The following ACSL4 variants were observed in gnomAD, a reference collection of about 807,000 sequenced individuals.
ACSL4 encodes acyl-CoA synthetase long chain family member 4, also known as long-chain-fatty-acid--CoA ligase 4.
A neutral mutation model predicts 49.1 loss-of-function variants in ACSL4; 9 were observed. The observed-to-expected ratio is 0.18, with a 90% CI of 0.11 to 0.32. ACSL4 has a LOEUF of 0.32. Among genes scored for constraint, ACSL4 ranks in the 10% least tolerant of loss-of-function variants. The probability of loss-of-function intolerance (pLI) is 1.00; values close to 1 mark genes in which losing one functional copy is unlikely to be tolerated. For missense variants in ACSL4, 333 were observed against 493.7 expected, an observed-to-expected ratio of 0.67 and a Z score of 3.08; for synonymous variants, 191 against 170.3, an observed-to-expected ratio of 1.12 and a Z score of -0.95.
chrX:109,720,408 T>C lies in ACSL4; in HGVS notation c.-66+12731A>G, dbSNP rs1927458807. ...AGGATGTTAAAATTAAGTCAATGTG[T>C]ATATAAATTTTTAAAAACCTGCTTC... On this transcript the variant is annotated intron_variant, in intron 1 of 15. Coordinates refer to ENST00000672401, the MANE Select transcript of ACSL4 (RefSeq NM_001318510.2). 2.7e-5 allele frequency among the ~76,000 whole-genome samples: 3 copies of C among 111,548 alleles called. No homozygotes were observed. The Admixed American group carries it at 2.9e-4, about 11-fold the overall frequency.
At chrX:109,678,944 G>A (rs940835905) in intron 6 of ACSL4, among the ~76,000 whole-genome samples, 3 of 112,114 alleles carry the variant, frequency 2.7e-5, no homozygotes, top group Non-Finnish European at 5.6e-5. Context: ...GCAATGTTGT[G>A]GAAAGATTTC....
At chrX:109,691,918 G>A (rs948415496) in intron 2 of ACSL4, 2 of 111,701 alleles carry the variant, frequency 1.8e-5, no homozygotes, top group African/African-American at 6.5e-5. Flanking sequence ...CTATAGAGAT[G>A]CCATATACCA....
intron 2 of ACSL4, among the ~76,000 whole-genome samples, chrX:109,692,738 C>G (rs1410155675): frequency 8.9e-6 from 1 of 111,958 alleles, no homozygotes; most frequent in Non-Finnish European, 1.9e-5. Flanking sequence ...ATTTTATCTA[C>G]AAAGTCTTCG....
intron 2 of ACSL4, among the ~76,000 whole-genome samples, chrX:109,684,161 C>T (rs1409560312): frequency 2.7e-5 from 3 of 111,956 alleles, no homozygotes; most frequent in Non-Finnish European, 5.6e-5. Context: ...AAGGTCAACC[C>T]AGAAACCTTA....
At chrX:109,678,510 C>A in intron 6 of ACSL4, 95 bp from the exon 7 acceptor site, 1 of 1,025,390 alleles carries the variant, frequency 9.8e-7, no homozygotes, top group Non-Finnish European at 1.4e-6. Context: ...TAACGATAAG[C>A]TATCAATAGA....
rs1485576249 is a variant in ACSL4 at position 109,668,243 on chromosome X, C to A, written c.1173G>T (p.Leu391=). 3 of 1,206,641 alleles carry A rather than the reference C, an allele frequency of 2.5e-6. No individual in the cohort carries two copies. The highest frequency in any genetic ancestry group is 3.6e-5 in the South Asian group (2 of 56,298). ...LLLFKKVKAL[L]GGNVRMMLSG... is the part of the protein sequence containing the mutation. ...ACAGCATCATGCGGACATTCCCTCC[C>A]AGCAGGGCCTTGACCTTTTTAAACA... is the stretch of plus-strand genomic sequence containing the variant. The change falls in exon 11 of 16, where the codon CTG becomes CTT. Residue 391 remains leucine (L), a synonymous_variant. Transcript: ENST00000672401.
At chrX:109,691,140 T>C (rs1925011933) in intron 2 of ACSL4, among the ~76,000 whole-genome samples, 2 of 112,150 alleles carry the variant, frequency 1.8e-5, no homozygotes, top group Non-Finnish European at 3.8e-5. Flanking sequence ...ATCTGCCAAG[T>C]TGAAACATAC....
intron 2 of ACSL4, among the ~76,000 whole-genome samples, chrX:109,689,418 C>G (rs777694102): frequency 1.0e-3 from 112 of 112,045 alleles, no homozygotes; most frequent in African/African-American, 3.4e-3. Context: ...TGCTCAAAAT[C>G]TTTCAAAGAA....
chrX:109,720,279 G>A (rs1391047945), intron 1 of ACSL4, among the ~76,000 whole-genome samples: 1 of 109,256 alleles, frequency 9.2e-6, no homozygotes, highest in African/African-American at 3.3e-5. Flanking sequence ...GCAGTGAGCC[G>A]AGATCACGCC....
intron 1 of ACSL4, among the ~76,000 whole-genome samples, chrX:109,699,602 A>C (rs1925716092): frequency 8.9e-6 from 1 of 111,958 alleles, no homozygotes; most frequent in African/African-American, 3.3e-5. Context: ...ACTGCATTCT[A>C]AATATGTACA....
chrX:109,708,085 C>A (rs947538598), intron 1 of ACSL4, among the ~76,000 whole-genome samples: 2 of 111,382 alleles, frequency 1.8e-5, no homozygotes, highest in Non-Finnish European at 3.8e-5. Context: ...GCTGGGACTA[C>A]AGGCATGCGC....
chrX:109,683,590 C>G (rs1924356729), intron 2 of ACSL4: 2 of 624,153 alleles, frequency 3.2e-6, no homozygotes, highest in South Asian at 2.5e-5. Flanking sequence ...GTAAGAATAG[C>G]AGTACAGCCA....
intron 13 of ACSL4, 39 bp downstream of exon 13, chrX:109,663,172 T>C: frequency 1.8e-6 from 2 of 1,130,206 alleles, no homozygotes; most frequent in Non-Finnish European, 2.4e-6. Flanking sequence ...ACTGAAGTTA[T>C]AAAAACTAAA....
At chrX:109,659,989 A>G (rs1274782407) in intron 14 of ACSL4, among the ~76,000 whole-genome samples, 1 of 104,479 alleles carries the variant, frequency 9.6e-6, no homozygotes, top group Non-Finnish European at 2.0e-5. Context: ...AAACTGCTAG[A>G]AAAAAAAAAA....
intron 1 of ACSL4, among the ~76,000 whole-genome samples, chrX:109,731,219 G>A (rs1030839602): frequency 6.3e-5 from 7 of 110,327 alleles, no homozygotes; most frequent in Non-Finnish European, 1.3e-4. Context: ...CAGCCTTAAC[G>A]CAAATTGCAT....
Position 109,686,320 on chromosome X carries a change from T to C in ACSL4, c.-12-2945A>G, listed in dbSNP as rs145909493. ...CCCAGTACCTCTTTCTTATGACAAA[T>C]ATTTTGTGATACCTCTTCATCAACA... On this transcript the variant is annotated intron_variant, in intron 2 of 15. Transcript: ENST00000672401. Among the ~76,000 whole-genome samples, 476 of 112,396 alleles carry C rather than the reference T, an allele frequency of 4.2e-3. 3 individuals carry two copies. The highest frequency in any genetic ancestry group is 0.014 in the African/African-American group (448 of 30,992).
At chrX:109,665,350 TG>T (rs1922543669) in intron 12 of ACSL4, 69 bp downstream of exon 12, 1 of 981,380 alleles carries the variant, frequency 1.0e-6, no homozygotes, top group Admixed American at 2.2e-5. Context: ...TTTAAAGAAA[TG>T]AAAGTCATAA....
intron 15 of ACSL4, among the ~76,000 whole-genome samples, chrX:109,650,060 C>T (rs1934948063): frequency 9.0e-6 from 1 of 111,510 alleles, no homozygotes; most frequent in South Asian, 3.8e-4. Flanking sequence ...GAAATAGGGA[C>T]ACTTTTACAC....
In ACSL4 at chrX:109,682,789, A is replaced by G; in HGVS notation, c.336T>C (p.Ile112=). 2.5e-6 allele frequency: 3 copies of G among 1,211,969 alleles called. No individual in the cohort carries two copies. ...CGGCCCTGGTCTCACAGAAGATGGC[A>G]ATGGTGTTCTTTGGTTTTAGTCCCA... ...TALGLKPKNT[I]AIFCETRAEW... Residue 112 remains isoleucine (I), a synonymous_variant, in exon 4 of 16, where the codon ATT becomes ATC. Transcript: ENST00000672401.
Sources: allele counts gnomAD v4.1 joint callset (sites outside exome capture counted in the v4.1 genomes callset), GRCh38; gene constraint gnomAD v4.1.1; transcripts MANE v1.5; gene names NCBI Gene and HGNC (gene_info 2026-07-23, HGNC 2026-07-21).